SAMD5: variants seen among roughly 807,000 people sequenced by gnomAD.
The protein encoded by SAMD5 is sterile alpha motif domain-containing protein 5.
SAMD5 carries 13 observed loss-of-function variants against 11.3 expected under a neutral mutation model. The observed-to-expected ratio is 1.15, with a 90% confidence interval of 0.75 to 1.83. The LOEUF (loss-of-function observed/expected upper bound fraction) is 1.83, where lower values mean the gene tolerates loss of function less well. SAMD5 is among the 40% of genes most tolerant of loss of function. The pLI is 0.00. For synonymous variants in SAMD5, 129 were observed against 111.3 expected, an observed-to-expected ratio of 1.16 and a Z score of -1.00; for missense variants, 255 against 239.1, an observed-to-expected ratio of 1.07 and a Z score of -0.44.
the SAMD5 span, among the ~76,000 whole-genome samples, chr6:147,951,356 A>G: frequency 6.6e-6 from 1 of 151,542 alleles, no homozygotes. Context: ...TAATTTTTGT[A>G]TTTTTAGTAG....
At chr6:147,775,978 ATGT>A in the SAMD5 span, among the ~76,000 whole-genome samples, 5 of 152,218 alleles carry the variant, frequency 3.3e-5, no homozygotes, top group African/African-American at 1.2e-4. Context: ...CAGAATATAA[ATGT>A]TGTTTAATTT....
chr6:147,513,217 G>T (rs1788116286), intron 1 of SAMD5, among the ~76,000 whole-genome samples: 1 of 152,226 alleles, frequency 6.6e-6, no homozygotes, highest in African/African-American at 2.4e-5. Flanking sequence ...AGTATATCTT[G>T]TGAGCAGAAG....
the SAMD5 span, among the ~76,000 whole-genome samples, chr6:147,858,720 A>G: frequency 6.6e-6 from 1 of 152,112 alleles, no homozygotes; most frequent in South Asian, 2.1e-4. Flanking sequence ...TGAGAACTCT[A>G]CTCGTTCCAT....
intron 1 of SAMD5, among the ~76,000 whole-genome samples, chr6:147,629,326 A>C (rs936750456): frequency 6.6e-6 from 1 of 152,132 alleles, no homozygotes; most frequent in Admixed American, 6.5e-5. Flanking sequence ...ATAATAATAA[A>C]AAAAATCTGA....
intron 1 of SAMD5, among the ~76,000 whole-genome samples, chr6:147,620,656 A>G (rs2128450164): frequency 6.6e-6 from 1 of 152,328 alleles, no homozygotes; most frequent in East Asian, 1.9e-4. Context: ...TGTTCCCCAA[A>G]GAAGAGCTTT....
At chr6:147,934,991 C>G in the SAMD5 span, among the ~76,000 whole-genome samples, 120 of 152,218 alleles carry the variant, frequency 7.9e-4, no homozygotes, top group African/African-American at 2.8e-3. Flanking sequence ...CAACTTGTGT[C>G]AGGACTAAAC....
the SAMD5 span, among the ~76,000 whole-genome samples, chr6:147,891,323 A>C: frequency 4.6e-5 from 7 of 152,214 alleles, no homozygotes; most frequent in Non-Finnish European, 1.0e-4. Context: ...TCATGCCAAA[A>C]TGAAAGAGAA....
chr6:147,935,982 T>A, the SAMD5 span, among the ~76,000 whole-genome samples: 1 of 152,198 alleles, frequency 6.6e-6, no homozygotes, highest in Non-Finnish European at 1.5e-5. Context: ...TAGCCAGCTT[T>A]CTTTCCTATA....
intron 1 of SAMD5, among the ~76,000 whole-genome samples, chr6:147,556,059 T>C (rs1788850092): frequency 1.3e-5 from 2 of 152,200 alleles, no homozygotes. Context: ...ACAAAAATAT[T>C]TGTGTTAATA....
At chr6:147,933,630 C>T in the SAMD5 span, among the ~76,000 whole-genome samples, 3 of 150,618 alleles carry the variant, frequency 2.0e-5, no homozygotes, top group East Asian at 3.8e-4. Flanking sequence ...AGGTCCCTTT[C>T]GATTCCAAAC....
chr6:147,846,558 G>A, the SAMD5 span, among the ~76,000 whole-genome samples: 2 of 152,186 alleles, frequency 1.3e-5, no homozygotes, highest in Non-Finnish European at 2.9e-5. Flanking sequence ...TAGGCCACGT[G>A]CAGTGGCTCC....
chr6:147,728,542 T>G (rs1297970836), intron 1 of SAMD5, among the ~76,000 whole-genome samples: 1 of 152,198 alleles, frequency 6.6e-6, no homozygotes, highest in Non-Finnish European at 1.5e-5. Flanking sequence ...TGGATCCCAT[T>G]GCCAATTTGC....
At chr6:147,874,844 T>A in the SAMD5 span, among the ~76,000 whole-genome samples, 51 of 152,010 alleles carry the variant, frequency 3.4e-4, 2 homozygotes, top group South Asian at 0.01. Flanking sequence ...ATTGTACATG[T>A]TTATAGTGAC....
the SAMD5 span, among the ~76,000 whole-genome samples, chr6:147,882,224 A>C: frequency 6.6e-6 from 1 of 152,262 alleles, no homozygotes; most frequent in African/African-American, 2.4e-5. Flanking sequence ...GTTAGATATT[A>C]TCTTGTTGAT....
At chr6:147,657,489 AAG>A (rs1790588073) in intron 1 of SAMD5, among the ~76,000 whole-genome samples, 2 of 152,234 alleles carry the variant, frequency 1.3e-5, no homozygotes, top group African/African-American at 4.8e-5. Context: ...AAGCGTGAGA[AAG>A]AGAAATGAAA....
chr6:147,760,014 A>G, the SAMD5 span, among the ~76,000 whole-genome samples: 2 of 152,302 alleles, frequency 1.3e-5, no homozygotes, highest in East Asian at 3.9e-4. Context: ...AATAAATAGG[A>G]CTGTGTCTAA....
intron 1 of SAMD5, among the ~76,000 whole-genome samples, chr6:147,664,449 A>G (rs1487192749): frequency 1.3e-5 from 2 of 152,154 alleles, no homozygotes; most frequent in Non-Finnish European, 2.9e-5. Context: ...GATTTCCTCC[A>G]TCAGACTCGT....
At chr6:147,649,925 G>A (rs1790459051) in intron 1 of SAMD5, among the ~76,000 whole-genome samples, 1 of 152,062 alleles carries the variant, frequency 6.6e-6, no homozygotes. Flanking sequence ...CCTTTTAAAT[G>A]GTATTGTTTA....
At chr6:147,549,095 T>C (rs567840772) in intron 1 of SAMD5, among the ~76,000 whole-genome samples, 1 of 152,310 alleles carries the variant, frequency 6.6e-6, no homozygotes, top group South Asian at 2.1e-4. Flanking sequence ...ACTGGATTTG[T>C]AGCATGAGTG....
Sources: gnomAD v4.1 joint callset for allele counts (sites outside exome capture counted in the v4.1 genomes callset) on GRCh38, gnomAD v4.1.1 for gene constraint, MANE v1.5 for transcripts, NCBI Gene and HGNC (gene_info 2026-07-23, HGNC 2026-07-21) for gene names.